PHACTR1: variants seen among roughly 807,000 people sequenced by gnomAD.
PHACTR1 encodes the protein RPEL repeat containing 1.
In PHACTR1, 16 loss-of-function variants were observed where a neutral mutation model predicts 69.2. The ratio of observed to expected loss-of-function variants is 0.23; its 90% CI spans 0.16 to 0.35. The LOEUF (loss-of-function observed/expected upper bound fraction) is 0.35. Ranked by LOEUF, PHACTR1 falls within the 10% of genes least tolerant of loss-of-function variation. The pLI, the probability that PHACTR1 is intolerant of heterozygous loss-of-function variation, is 1.00. For missense variants in PHACTR1, 510 were observed against 734.7 expected (o/e 0.69, Z 3.54); for synonymous variants, 312 against 284.5 (o/e 1.10, Z -0.97).
rs751956991 is a variant in PHACTR1 at position 12,819,168 on chromosome 6, G to GCTTT, written c.250+69380_250+69383dup. ...TGCCACTCTATTTCCATACCATAAT[G>GCTTT]CTTTCCTTTTGTTGAATTTTGCGGA... On this transcript the variant is annotated intron_variant, in intron 4 of 14. Coordinates refer to ENST00000332995, the MANE Select transcript of PHACTR1 (RefSeq NM_030948.6). Among the ~76,000 whole-genome samples the GCTTT allele has an allele frequency of 9.9e-5, 15 of 152,258 alleles. No individual in the cohort carries two copies. In the South Asian group the frequency reaches 2.7e-3, roughly 27 times the overall value.
chr6:13,283,847 G>A lies in PHACTR1; in HGVS notation c.1650+285G>A. The A allele has an allele frequency of 7.1e-6, 3 of 420,002 alleles. No homozygotes were observed. Among genetic ancestry groups the A allele is most frequent in the South Asian group, 4.8e-5 (2 of 41,720 alleles). The allele number at this position is 420,002 out of a possible 1,614,324, so 26.0% of individuals were successfully genotyped here. On this transcript the variant is annotated intron_variant, in intron 13 of 14. Coordinates refer to ENST00000332995, the MANE Select transcript of PHACTR1 (RefSeq NM_030948.6). This position sits in a 1 kb window ranked among gnomAD's most constrained non-coding sequence, Gnocchi z 4.7. ...AGAGAAAGAGAATAGCACTGGATAG[G>A]TGTAGACAGGTGAAGGCAAGAGGCT... is the stretch of plus-strand genomic sequence containing the variant.
intron 4 of PHACTR1, among the ~76,000 whole-genome samples, chr6:13,006,936 A>G (rs956155490): frequency 2.6e-5 from 4 of 152,234 alleles, no homozygotes; most frequent in South Asian, 2.1e-4. Flanking sequence ...GCCAACTGCA[A>G]TCCTACCATG....
intron 4 of PHACTR1, 81 bp downstream of exon 4, chr6:12,749,871 G>T: frequency 7.4e-7 from 1 of 1,343,512 alleles, no homozygotes. Context: ...CCCCTCCCGG[G>T]CGTCCTCCCC....
At chr6:12,862,560 AAT>A (rs1298515083) in intron 4 of PHACTR1, among the ~76,000 whole-genome samples, 1 of 152,170 alleles carries the variant, frequency 6.6e-6, no homozygotes, top group Non-Finnish European at 1.5e-5. Context: ...ACAAGAGAAG[AAT>A]GATCAGTGGT....
chr6:13,169,313 T>C (rs28510830), intron 6 of PHACTR1, among the ~76,000 whole-genome samples: 3,721 of 152,120 alleles, frequency 0.024, 149 homozygotes, highest in African/African-American at 0.085. Context: ...TATCCAAATA[T>C]CTAAGTAGAC....
intron 5 of PHACTR1, among the ~76,000 whole-genome samples, chr6:13,073,639 A>T (rs1809915083): frequency 6.6e-6 from 1 of 151,518 alleles, no homozygotes; most frequent in South Asian, 2.1e-4. Context: ...ACCACGCCTG[A>T]CCCATTCTAT....
chr6:12,952,243 A>G (rs1481850934), intron 4 of PHACTR1, among the ~76,000 whole-genome samples: 1 of 152,186 alleles, frequency 6.6e-6, no homozygotes, highest in Non-Finnish European at 1.5e-5. Flanking sequence ...ATCATCACCC[A>G]GAGTCCACAG....
chr6:13,079,561 G>C (rs963463115), intron 5 of PHACTR1, among the ~76,000 whole-genome samples: 8 of 152,030 alleles, frequency 5.3e-5, no homozygotes, highest in Admixed American at 5.2e-4. Context: ...ACGGCACTGG[G>C]ATTGCTGGCC....
chr6:13,238,370 A>G (rs1772326344), intron 10 of PHACTR1, among the ~76,000 whole-genome samples: 1 of 152,184 alleles, frequency 6.6e-6, no homozygotes, highest in Admixed American at 6.5e-5. Flanking sequence ...AGTGAATGAG[A>G]TAGTGAGATA....
chr6:12,856,053 A>G (rs1430660610), intron 4 of PHACTR1, among the ~76,000 whole-genome samples: 1 of 152,134 alleles, frequency 6.6e-6, no homozygotes, highest in Non-Finnish European at 1.5e-5. Flanking sequence ...GGTAACATAT[A>G]TCTTTAATAA....
intron 5 of PHACTR1, among the ~76,000 whole-genome samples, chr6:13,119,736 C>G (rs1182989461): frequency 6.6e-6 from 1 of 152,198 alleles, no homozygotes; most frequent in African/African-American, 2.4e-5. Context: ...AAAGCTTTAG[C>G]ACCTGGGGTC....
At chr6:13,158,588 T>C (rs1373214827) in intron 5 of PHACTR1, among the ~76,000 whole-genome samples, 1 of 152,244 alleles carries the variant, frequency 6.6e-6, no homozygotes, top group Non-Finnish European at 1.5e-5. Flanking sequence ...AGTTCCAAAA[T>C]ATATAATTAG....
intron 10 of PHACTR1, among the ~76,000 whole-genome samples, chr6:13,231,173 AGGAG>A (rs776577883): frequency 2.8e-4 from 20 of 72,714 alleles, no homozygotes; most frequent in African/African-American, 5.7e-4. Flanking sequence ...GCGAAAGAGG[AGGAG>A]GGAGGGAGGG....
chr6:13,261,477 A>G (rs1000877866), intron 10 of PHACTR1, among the ~76,000 whole-genome samples: 13 of 152,174 alleles, frequency 8.5e-5, no homozygotes, highest in African/African-American at 2.7e-4. Flanking sequence ...TCCTTGTTCA[A>G]AAGATAAAAA....
intron 5 of PHACTR1, among the ~76,000 whole-genome samples, chr6:13,064,553 T>TAG (rs1808215018): frequency 2.9e-3 from 5 of 1,720 alleles, no homozygotes; most frequent in African/African-American, 4.9e-3. Flanking sequence ...AAAAGATATA[T>TAG]ATATATATAT....
At chr6:12,761,109 C>T (rs141613905) in intron 4 of PHACTR1, among the ~76,000 whole-genome samples, 65 of 152,288 alleles carry the variant, frequency 4.3e-4, no homozygotes, top group African/African-American at 1.5e-3. Flanking sequence ...AAACTTGTAA[C>T]GTGTGGATAA....
rs183789623 is a variant in PHACTR1 at position 13,231,041 on chromosome 6, G to A, written c.1391+848G>A. 4.0e-3 allele frequency among the ~76,000 whole-genome samples: 371 copies of A among 92,300 alleles called. 17 individuals are homozygous for A. Among genetic ancestry groups the A allele is most frequent in the African/African-American group, 0.017 (341 of 20,230 alleles). The allele number at this position is 92,300 out of a possible 152,430, so 60.6% of individuals were successfully genotyped here. On this transcript the variant is annotated intron_variant, in intron 10 of 14. Transcript: ENST00000332995. ...AAGGAAAGAAAGAAAGAGAGAGAGA[G>A]AGAAAGGAAGGAAGGAAGGAAGGAA... is the stretch of plus-strand genomic sequence containing the variant.
At chr6:13,208,503 A>T (rs1766267368) in intron 8 of PHACTR1, among the ~76,000 whole-genome samples, 1 of 152,220 alleles carries the variant, frequency 6.6e-6, no homozygotes, top group African/African-American at 2.4e-5. Context: ...TTTGGAAAAC[A>T]CTACCCTAGG....
intron 4 of PHACTR1, among the ~76,000 whole-genome samples, chr6:12,767,130 A>C (rs1379442522): frequency 1.3e-5 from 2 of 152,194 alleles, no homozygotes; most frequent in African/African-American, 4.8e-5. Flanking sequence ...GTCCCAACAT[A>C]TTACGCAGCA....
Sources: allele counts gnomAD v4.1 joint callset (sites outside exome capture counted in the v4.1 genomes callset), GRCh38; gene constraint gnomAD v4.1.1; non-coding constraint Gnocchi (gnomAD v3.1); transcripts MANE v1.5; gene names NCBI Gene and HGNC (gene_info 2026-07-23, HGNC 2026-07-21).